The following HPRT1 variants were observed in gnomAD, a reference collection of about 807,000 sequenced individuals.
HPRT1 encodes hypoxanthine-guanine phosphoribosyltransferase.
A neutral mutation model predicts 19.0 loss-of-function variants in HPRT1; 4 were observed. The ratio of observed to expected loss-of-function variants is 0.21; its 90% CI spans 0.10 to 0.48. The LOEUF is 0.48. Among genes scored for constraint, HPRT1 ranks in the 20% least tolerant of loss-of-function variants. The probability of loss-of-function intolerance (pLI) is 0.98; values close to 1 mark genes in which losing one functional copy is unlikely to be tolerated. For synonymous variants in HPRT1, 53 were observed against 54.9 expected (o/e 0.97, Z 0.15); for missense variants, 65 against 164.0 (o/e 0.40, Z 3.30).
At chrX:134,498,118 A>G (rs886788400) in intron 6 of HPRT1, among the ~76,000 whole-genome samples, 1 of 111,831 alleles carries the variant, frequency 8.9e-6, no homozygotes, top group African/African-American at 3.3e-5. Context: ...CAATGGACAC[A>G]TGGGTAGTCA....
In HPRT1 at chrX:134,499,968, A is replaced by G. The variant is rs753482609; in HGVS notation, c.610-62A>G. ...ATAGTGTTCTTATATGTAAAATGCT[A>G]TTCTTGCCTTTCATTTCAGAATATA... On this transcript the variant is annotated intron_variant, in intron 8 of 8. Coordinates refer to ENST00000298556, the MANE Select transcript of HPRT1 (RefSeq NM_000194.3). 1.2e-5 allele frequency: 9 copies of G among 762,856 alleles called. No individual in the cohort carries two copies. The East Asian group carries it at 1.9e-4, about 16-fold the overall frequency. 62.9% of individuals were successfully genotyped at this position (762,856 alleles called of 1,213,427 possible). A position where few individuals can be genotyped will look rare whatever the true frequency, so the allele number is the denominator to read the frequency against.
chrX:134,468,141 T>A (rs1264033080), intron 1 of HPRT1, among the ~76,000 whole-genome samples: 1 of 110,040 alleles, frequency 9.1e-6, no homozygotes, highest in African/African-American at 3.3e-5. Flanking sequence ...AATTTAACAC[T>A]GTTCACAGTT....
intron 1 of HPRT1, among the ~76,000 whole-genome samples, chrX:134,469,680 A>G (rs761588344): frequency 8.9e-5 from 10 of 111,964 alleles, no homozygotes; most frequent in Non-Finnish European, 1.9e-4. Context: ...GTCCTAGTTT[A>G]TGCTTGTGGC....
At chrX:134,486,908 G>C (rs2077655310) in intron 4 of HPRT1, among the ~76,000 whole-genome samples, 1 of 109,795 alleles carries the variant, frequency 9.1e-6, no homozygotes, top group African/African-American at 3.3e-5. Flanking sequence ...TTATGTAGTG[G>C]CTGAAAGTGT....
chrX:134,495,871 A>G (rs902132912), intron 6 of HPRT1, among the ~76,000 whole-genome samples: 2 of 112,348 alleles, frequency 1.8e-5, no homozygotes, highest in Non-Finnish European at 3.8e-5. Context: ...CTCATGCAAT[A>G]TCCTGTCTTC....
At chrX:134,467,489 A>T (rs1486460962) in intron 1 of HPRT1, among the ~76,000 whole-genome samples, 1 of 111,972 alleles carries the variant, frequency 8.9e-6, no homozygotes, top group Non-Finnish European at 1.9e-5. Flanking sequence ...ACTCTCTCCA[A>T]CTGTTCCTGT....
intron 1 of HPRT1, among the ~76,000 whole-genome samples, chrX:134,462,888 G>C (rs890127154): frequency 8.9e-6 from 1 of 111,958 alleles, no homozygotes; most frequent in Non-Finnish European, 1.9e-5. Flanking sequence ...ACAAATCAGA[G>C]AGGTTAAGTA....
intron 1 of HPRT1, among the ~76,000 whole-genome samples, chrX:134,464,696 G>A (rs774728082): frequency 7.2e-5 from 8 of 110,942 alleles, no homozygotes; most frequent in South Asian, 3.8e-4. Context: ...TCCTGCCTGA[G>A]CCTTCTGAGT....
At chrX:134,475,077 A>T in intron 2 of HPRT1, 104 bp from the exon 3 acceptor site, 1 of 615,064 alleles carries the variant, frequency 1.6e-6, no homozygotes, top group Non-Finnish European at 2.6e-6. Flanking sequence ...ATGGGGTCTC[A>T]CTATATTGCC....
intron 5 of HPRT1, among the ~76,000 whole-genome samples, chrX:134,491,915 G>GTGTA (rs1176107011): frequency 2.0e-5 from 2 of 101,326 alleles, no homozygotes; most frequent in African/African-American, 7.2e-5. Context: ...GTGTGTGTGT[G>GTGTA]TGTATGTATG....
intron 1 of HPRT1, among the ~76,000 whole-genome samples, chrX:134,463,543 G>C (rs1371392718): frequency 3.6e-5 from 4 of 111,028 alleles, no homozygotes; most frequent in Non-Finnish European, 5.7e-5. Flanking sequence ...CAGTTCAGGG[G>C]TTTCTTTCTG....
chrX:134,493,381 C>A, intron 5 of HPRT1, 127 bp from the exon 6 acceptor site: 1 of 537,486 alleles, frequency 1.9e-6, no homozygotes, highest in Non-Finnish European at 3.3e-6. Flanking sequence ...CAGAATATCT[C>A]CATGTAGATT....
intron 3 of HPRT1, among the ~76,000 whole-genome samples, chrX:134,483,203 C>T (rs939335176): frequency 1.8e-5 from 2 of 110,965 alleles, no homozygotes; most frequent in Non-Finnish European, 3.8e-5. Context: ...GCTTTCTCTC[C>T]TTATAGTTCA....
intron 1 of HPRT1, among the ~76,000 whole-genome samples, chrX:134,462,299 T>TC: frequency 9.0e-6 from 1 of 111,143 alleles, no homozygotes; most frequent in African/African-American, 3.3e-5. Context: ...TCCTACCTCA[T>TC]CCCCCTGAGT....
At chrX:134,472,706 A>G (rs1198441400) in intron 1 of HPRT1, among the ~76,000 whole-genome samples, 1 of 110,424 alleles carries the variant, frequency 9.1e-6, no homozygotes, top group Non-Finnish European at 1.9e-5. Flanking sequence ...AGCTGGGATT[A>G]CAGGCTCCTG....
intron 3 of HPRT1, among the ~76,000 whole-genome samples, chrX:134,475,891 A>G (rs770571957): frequency 1.1e-4 from 12 of 112,071 alleles, no homozygotes; most frequent in Non-Finnish European, 1.9e-4. Context: ...GTGTCACACA[A>G]TTGAAATGCA....
intron 4 of HPRT1, among the ~76,000 whole-genome samples, chrX:134,487,066 A>G (rs183525042): frequency 9.0e-6 from 1 of 111,443 alleles, no homozygotes; most frequent in African/African-American, 3.2e-5. Context: ...ATTAAGTGCT[A>G]TAATGCAAGT....
At chrX:134,483,527 T>C (rs2077645132) in intron 3 of HPRT1, among the ~76,000 whole-genome samples, 1 of 111,651 alleles carries the variant, frequency 9.0e-6, no homozygotes, top group Non-Finnish European at 1.9e-5. Context: ...ATTGGACTCC[T>C]TGGCTGAGAG....
intron 4 of HPRT1, 40 bp from the exon 5 acceptor site, chrX:134,490,148 T>G (rs1425704332): frequency 9.8e-6 from 9 of 917,248 alleles, no homozygotes; most frequent in Non-Finnish European, 1.2e-5. Flanking sequence ...AAATACCGTT[T>G]TATTCATTGT....
Sources: gnomAD v4.1 joint callset for allele counts (sites outside exome capture counted in the v4.1 genomes callset) on GRCh38, gnomAD v4.1.1 for gene constraint, MANE v1.5 for transcripts, NCBI Gene and HGNC (gene_info 2026-07-23, HGNC 2026-07-21) for gene names.